The following CMSS1 variants were observed in gnomAD, a reference collection of about 807,000 sequenced individuals.
CMSS1 encodes cms1 ribosomal small subunit homolog.
A neutral mutation model predicts 43.5 loss-of-function variants in CMSS1; 33 were observed. The ratio of observed to expected loss-of-function variants is 0.76; its 90% CI spans 0.57 to 1.01. The LOEUF (loss-of-function observed/expected upper bound fraction) is 1.01, where lower values mean the gene tolerates loss of function less well. Ranked by LOEUF, CMSS1 falls within the 50% of genes least tolerant of loss-of-function variation. The pLI is 0.00. For missense variants in CMSS1, 313 were observed against 326.4 expected, an observed-to-expected ratio of 0.96 and a Z score of 0.32; for synonymous variants, 115 against 117.2, an observed-to-expected ratio of 0.98 and a Z score of 0.12.
chr3:99,981,055 G>T (rs1306305150), intron 1 of CMSS1, among the ~76,000 whole-genome samples: 1 of 152,198 alleles, frequency 6.6e-6, no homozygotes, highest in African/African-American at 2.4e-5. Context: ...GGTGAGGGAA[G>T]AGGCAAAGGT....
chr3:99,991,117 C>T (rs569155035), intron 1 of CMSS1, among the ~76,000 whole-genome samples: 1 of 152,258 alleles, frequency 6.6e-6, no homozygotes, highest in East Asian at 1.9e-4. Context: ...TTCCCATCTC[C>T]CCCCATAATG....
chr3:100,147,089 A>G (rs1332813186), intron 2 of CMSS1, 28 bp downstream of exon 2: 1 of 1,611,616 alleles, frequency 6.2e-7, no homozygotes, highest in African/African-American at 1.3e-5. Flanking sequence ...GAGAGCCACC[A>G]CTGTTAAATT....
intron 1 of CMSS1, among the ~76,000 whole-genome samples, chr3:100,027,870 G>A (rs895497010): frequency 6.6e-6 from 1 of 152,136 alleles, no homozygotes; most frequent in African/African-American, 2.4e-5. Flanking sequence ...GAGAACAAGT[G>A]AAACTAGAGT....
intron 2 of CMSS1, among the ~76,000 whole-genome samples, chr3:100,156,767 C>T (rs192634793): frequency 1.6e-4 from 25 of 152,284 alleles, no homozygotes; most frequent in Admixed American, 1.5e-3. Flanking sequence ...AGGCGCCTGC[C>T]ACCACGCCTG....
intron 1 of CMSS1, among the ~76,000 whole-genome samples, chr3:100,036,319 A>C (rs1359897746): frequency 1.3e-5 from 2 of 152,192 alleles, no homozygotes; most frequent in Admixed American, 1.3e-4. Context: ...GAGGAAAAAA[A>C]AGATGAGCCT....
chr3:99,973,333 T>C (rs1708877041), intron 1 of CMSS1, among the ~76,000 whole-genome samples: 1 of 152,250 alleles, frequency 6.6e-6, no homozygotes. Context: ...TGTGTGTGTA[T>C]GCAAAATTGC....
At chr3:99,828,899 T>C (rs775572335) in intron 1 of CMSS1, among the ~76,000 whole-genome samples, 9 of 151,852 alleles carry the variant, frequency 5.9e-5, no homozygotes, top group Non-Finnish European at 1.3e-4. Flanking sequence ...CTGCCCATCA[T>C]CCCTCTCAAT....
chr3:99,818,120 G>T, intron 1 of CMSS1, 77 bp downstream of exon 1: 1 of 1,434,244 alleles, frequency 7.0e-7, no homozygotes, highest in South Asian at 1.2e-5. Flanking sequence ...GTCGCTTCTG[G>T]CGATCGCGGT....
intron 1 of CMSS1, among the ~76,000 whole-genome samples, chr3:100,034,918 C>T (rs558324338): frequency 6.6e-6 from 1 of 152,182 alleles, no homozygotes; most frequent in African/African-American, 2.4e-5. Flanking sequence ...GTCCACTTTC[C>T]TATTTTAATG....
intron 1 of CMSS1, among the ~76,000 whole-genome samples, chr3:99,998,393 T>C (rs1709742610): frequency 6.6e-6 from 1 of 152,178 alleles, no homozygotes; most frequent in Non-Finnish European, 1.5e-5. Flanking sequence ...TTTAAATGTT[T>C]GTATACCAAC....
At chr3:100,005,355 C>G (rs1240036481) in intron 1 of CMSS1, among the ~76,000 whole-genome samples, 1 of 152,160 alleles carries the variant, frequency 6.6e-6, no homozygotes, top group African/African-American at 2.4e-5. Flanking sequence ...TTAGGGGGTT[C>G]AGATTAGGAT....
rs1415024458 is a variant in CMSS1 at position 100,002,155 on chromosome 3, T to A, written c.65-144818T>A. Among the ~76,000 whole-genome samples the A allele has an allele frequency of 7.2e-5, 11 of 152,350 alleles. No individual in the cohort carries two copies. In the East Asian group the frequency reaches 1.9e-3, roughly 27 times the overall value. ...CTCCTGTACAGACCTGTGTCTCTAATGAATTCTTCTTTATTTGGAGCTGAT... is the reference window on the plus strand; with the variant it reads ...CTCCTGTACAGACCTGTGTCTCTAAAGAATTCTTCTTTATTTGGAGCTGAT... On this transcript the variant is annotated intron_variant, in intron 1 of 9. Coordinates refer to ENST00000421999, the MANE Select transcript of CMSS1 (RefSeq NM_032359.4).
chr3:100,028,694 TATG>T (rs1222029152), intron 1 of CMSS1, among the ~76,000 whole-genome samples: 1 of 152,180 alleles, frequency 6.6e-6, no homozygotes, highest in Non-Finnish European at 1.5e-5. Context: ...TGGAAGTATT[TATG>T]ATAATTTATC....
At chr3:99,831,132 G>A (rs1370336202) in intron 1 of CMSS1, among the ~76,000 whole-genome samples, 1 of 152,126 alleles carries the variant, frequency 6.6e-6, no homozygotes, top group African/African-American at 2.4e-5. Flanking sequence ...AAGGATATTT[G>A]ATTTTAGCAT....
intron 1 of CMSS1, chr3:100,051,089 A>G (rs2065364074): frequency 6.6e-6 from 1 of 152,194 alleles, no homozygotes; most frequent in Non-Finnish European, 1.5e-5. Flanking sequence ...TTTTTAAACC[A>G]TCATTTGAAT....
At position 99,844,242 on chromosome 3, in the gene CMSS1, T is replaced by C. The variant is rs182617558; in HGVS notation, c.64+26199T>C. 3.1e-3 allele frequency among the ~76,000 whole-genome samples: 473 copies of C among 152,292 alleles called. 4 individuals are homozygous for C. Among genetic ancestry groups the C allele is most frequent in the African/African-American group, 0.011 (447 of 41,556 alleles). On this transcript the variant is annotated intron_variant, in intron 1 of 9. Transcript: ENST00000421999. ...GCAGAAGAGTTTGTTAAAATGCAGC[T>C]TTCTGGGCCCTACGCCCCCAGAGGT...
chr3:99,866,393 T>G (rs143284118), intron 1 of CMSS1, among the ~76,000 whole-genome samples: 1 of 152,120 alleles, frequency 6.6e-6, no homozygotes, highest in South Asian at 2.1e-4. Context: ...AGTGGGAAAT[T>G]CAAACTTCAG....
chr3:100,008,452 G>C (rs756007767), intron 1 of CMSS1, among the ~76,000 whole-genome samples: 5 of 152,176 alleles, frequency 3.3e-5, no homozygotes, highest in Non-Finnish European at 7.3e-5. Context: ...TGTGTTTGCT[G>C]TAGTCATTGG....
At chr3:99,832,499 G>A (rs1324248268) in intron 1 of CMSS1, among the ~76,000 whole-genome samples, 3 of 144,964 alleles carry the variant, frequency 2.1e-5, no homozygotes, top group Admixed American at 6.8e-5. Context: ...CAAAGTGCTG[G>A]GATTACAGGT....
Sources: allele counts gnomAD v4.1 joint callset (sites outside exome capture counted in the v4.1 genomes callset), GRCh38; gene constraint gnomAD v4.1.1; transcripts MANE v1.5; gene names NCBI Gene and HGNC (gene_info 2026-07-23, HGNC 2026-07-21).